The following ZNF761 variants were observed in gnomAD, a reference collection of about 807,000 sequenced individuals.
ZNF761 encodes zinc finger protein 761.
In ZNF761, 43 loss-of-function variants were observed where a neutral mutation model predicts 59.9. The observed-to-expected ratio is 0.72, with a 90% CI of 0.56 to 0.92. ZNF761 has a LOEUF of 0.92. Ranked by LOEUF, ZNF761 falls within the 40% of genes least tolerant of loss-of-function variation. The pLI is 0.00. For synonymous variants in ZNF761, 294 were observed against 304.8 expected, an observed-to-expected ratio of 0.96 and a Z score of 0.37; for missense variants, 850 against 906.1, an observed-to-expected ratio of 0.94 and a Z score of 0.79.
intron 1 of ZNF761, among the ~76,000 whole-genome samples, chr19:53,434,896 C>G (rs545657191): frequency 5.9e-4 from 90 of 152,282 alleles, no homozygotes; most frequent in African/African-American, 2.1e-3. Flanking sequence ...GGATGATGCT[C>G]TGGTAACTTC....
chr19:53,452,352 G>A (rs576901986), intron 4 of ZNF761, among the ~76,000 whole-genome samples: 8 of 152,216 alleles, frequency 5.3e-5, no homozygotes, highest in South Asian at 2.1e-4. Context: ...GCATGCTGGC[G>A]CATGGCTGTT....
intron 4 of ZNF761, among the ~76,000 whole-genome samples, chr19:53,452,177 C>T (rs1261478996): frequency 1.3e-5 from 2 of 151,944 alleles, no homozygotes; most frequent in African/African-American, 2.4e-5. Flanking sequence ...GGTGAAACCT[C>T]GAATCTACTA....
rs764589107 is a variant in ZNF761, at chr19:53,449,624, A to C, written c.128A>C (p.Asn43Thr). 1 of 1,608,994 alleles carries C rather than the reference A, an allele frequency of 6.2e-7. No individual in the cohort carries two copies. The highest frequency in any genetic ancestry group is 1.3e-5 in the African/African-American group (1 of 74,194). ...YRDVMLENYR[N>T]LVSLDISSKC... ...GACGTGATGCTGGAGAATTATAGGA[A>C]CCTGGTCTCCCTGGGTGAGGATAAC... The change falls in exon 4 of 5, where the codon AAC becomes ACC. Residue 43 changes from asparagine to threonine, a missense_variant. Asn to Thr is a moderately conservative substitution (Grantham distance 65). Coordinates refer to ENST00000684525, the MANE Select transcript of ZNF761 (RefSeq NM_001289951.2).
intron 1 of ZNF761, among the ~76,000 whole-genome samples, chr19:53,441,458 T>TGG (rs879554201): frequency 3.8e-4 from 57 of 151,160 alleles, no homozygotes; most frequent in African/African-American, 1.2e-3. Context: ...TTTTTGTTTT[T>TGG]TTTTTTTTGG....
At chr19:53,434,526 G>T (rs74440026) in intron 1 of ZNF761, among the ~76,000 whole-genome samples, 1 of 152,140 alleles carries the variant, frequency 6.6e-6, no homozygotes, top group Non-Finnish European at 1.5e-5. Context: ...AGGAGAATGG[G>T]TTTGGATGAG....
At chr19:53,451,593 T>C (rs1472083723) in intron 4 of ZNF761, among the ~76,000 whole-genome samples, 4 of 151,466 alleles carry the variant, frequency 2.6e-5, no homozygotes, top group African/African-American at 9.8e-5. Flanking sequence ...CATTTCTTTC[T>C]TTTTTTTAAG....
At chr19:53,432,569 C>G (rs1244830423) in intron 1 of ZNF761, among the ~76,000 whole-genome samples, 1 of 152,162 alleles carries the variant, frequency 6.6e-6, no homozygotes, top group East Asian at 1.9e-4. Context: ...TCCTGTGACG[C>G]GGGGTGTTAC....
At chr19:53,436,767 G>A (rs1331013828) in intron 1 of ZNF761, among the ~76,000 whole-genome samples, 1 of 152,164 alleles carries the variant, frequency 6.6e-6, no homozygotes, top group Admixed American at 6.5e-5. Flanking sequence ...CAGTACTTTA[G>A]TCACTTCTTG....
intron 1 of ZNF761, chr19:53,442,306 T>C: frequency 1.6e-6 from 2 of 1,272,526 alleles, no homozygotes; most frequent in Non-Finnish European, 2.3e-6. Flanking sequence ...CGAGCTGAGC[T>C]GGCAGAGTCC....
At position 53,457,516 on chromosome 19, in the gene ZNF761, A is replaced by G; in HGVS notation, c.*768A>G. 2.6e-6 allele frequency: 1 copy of G among 378,774 alleles called. No homozygotes were observed. Among genetic ancestry groups the G allele is most frequent in the Admixed American group, 3.6e-5 (1 of 27,928 alleles). The allele number at this position is 378,774 out of a possible 1,614,324, so 23.5% of individuals were successfully genotyped here. On this transcript the variant is annotated 3_prime_UTR_variant, in exon 5 of 5. Coordinates refer to ENST00000684525, the MANE Select transcript of ZNF761 (RefSeq NM_001289951.2). ...ATGTCATCAATGTGCCAAGGTCTTC[A>G]GTCTGAGTTCACTCCTTGCAGAATA...
rs2086197452 is a variant in ZNF761 at position 53,449,579 on chromosome 19, C to T, written c.83C>T (p.Ala28Val). ...SQEEWKCLDP[A>V]QRTLYRDVML... ...GAGGAGTGGAAATGCCTGGACCCTG[C>T]TCAGAGGACTCTATACAGGGACGTG... The change falls in exon 4 of 5, where the codon GCT (alanine) becomes GTT (valine). Residue 28 changes from alanine to valine, a missense_variant. Transcript: ENST00000684525. 1 of 1,613,438 alleles carries T rather than the reference C, an allele frequency of 6.2e-7. No homozygotes were observed.
At position 53,456,970 on chromosome 19, in the gene ZNF761, T is replaced by G; in HGVS notation, c.*222T>G. The G allele has an allele frequency of 1.4e-6, 1 of 716,244 alleles. No individual in the cohort carries two copies. The highest frequency in any genetic ancestry group is 2.7e-5 in the East Asian group (1 of 37,298). 44.4% of individuals were successfully genotyped at this position (716,244 alleles called of 1,614,324 possible). A position where few individuals can be genotyped will look rare whatever the true frequency, so the allele number is the denominator to read the frequency against. ...AAACCGTGAAAGACAGGAGAATTCATACTGGAGAGAAACCATAAAAATGTA... is the reference window on the plus strand; with the variant it reads ...AAACCGTGAAAGACAGGAGAATTCAGACTGGAGAGAAACCATAAAAATGTA... On this transcript the variant is annotated 3_prime_UTR_variant, in exon 5 of 5. Coordinates refer to ENST00000684525, the MANE Select transcript of ZNF761 (RefSeq NM_001289951.2).
In ZNF761 at chr19:53,455,304, G is replaced by T. The variant is rs751012682; in HGVS notation, c.797G>T (p.Gly266Val). Residue 266 changes from glycine to valine, a missense_variant, in exon 5 of 5, where the codon GGT (glycine) becomes GTT (valine). Transcript: ENST00000684525. The stretch of plus-strand genomic sequence containing the variant: ...GCATGCCATCGTAGATGTCACACTG[G>T]TGAGAATCCTTACAAGTGTAATGAG... Reference protein sequence around the residue: ...NLACHRRCHTGENPYKCNECG... With the variant: ...NLACHRRCHTVENPYKCNECG... 2 of 1,614,110 alleles carry T rather than the reference G, an allele frequency of 1.2e-6. No individual in the cohort carries two copies. Among genetic ancestry groups the T allele is most frequent in the African/African-American group, 1.3e-5 (1 of 74,944 alleles).
chr19:53,446,369 A>G (rs1380686523), intron 2 of ZNF761, 32 bp downstream of exon 2: 1 of 151,476 alleles, frequency 6.6e-6, no homozygotes, highest in East Asian at 1.9e-4. Context: ...TAATTATTGT[A>G]TTTTTATTTT....
chr19:53,434,680 G>A (rs1568798062), intron 1 of ZNF761, among the ~76,000 whole-genome samples: 1 of 152,222 alleles, frequency 6.6e-6, no homozygotes, highest in Non-Finnish European at 1.5e-5. Context: ...GATAATAGAA[G>A]TTTTTAAGAG....
In ZNF761 at chr19:53,457,528, C is replaced by T. The variant is rs746221956; in HGVS notation, c.*780C>T. On this transcript the variant is annotated 3_prime_UTR_variant, in exon 5 of 5. Coordinates refer to ENST00000684525, the MANE Select transcript of ZNF761 (RefSeq NM_001289951.2). ...TGCCAAGGTCTTCAGTCTGAGTTCA[C>T]TCCTTGCAGAATATGAGAAAATTCA... 3.6e-4 allele frequency: 129 copies of T among 355,232 alleles called. No homozygotes were observed. The highest frequency in any genetic ancestry group is 5.6e-4 in the Non-Finnish European group (102 of 180,610). The allele number at this position is 355,232 out of a possible 1,614,324, so 22.0% of individuals were successfully genotyped here. A position where few individuals can be genotyped will look rare whatever the true frequency, so the allele number is the denominator to read the frequency against.
Position 53,457,711 on chromosome 19 carries a change from G to T in ZNF761, c.*963G>T. 1 of 199,212 alleles carries T rather than the reference G, an allele frequency of 5.0e-6. No homozygotes were observed. The allele number at this position is 199,212 out of a possible 1,614,324, so 12.3% of individuals were successfully genotyped here. ...GTTTATGTTAAGAGGATTGGGCCAGGCACATCAGCTTACACCTGTAATCTG... is the reference window on the plus strand; with the variant it reads ...GTTTATGTTAAGAGGATTGGGCCAGTCACATCAGCTTACACCTGTAATCTG... On this transcript the variant is annotated 3_prime_UTR_variant, in exon 5 of 5. Coordinates refer to ENST00000684525, the MANE Select transcript of ZNF761 (RefSeq NM_001289951.2).
intron 3 of ZNF761, among the ~76,000 whole-genome samples, chr19:53,447,517 G>A (rs2086173446): frequency 6.6e-6 from 1 of 152,300 alleles, no homozygotes; most frequent in African/African-American, 2.4e-5. Flanking sequence ...CTCACACCCA[G>A]ACATGGATGG....
chr19:53,438,704 G>A (rs954348512), intron 1 of ZNF761, among the ~76,000 whole-genome samples: 3 of 152,176 alleles, frequency 2.0e-5, no homozygotes, highest in Non-Finnish European at 4.4e-5. Flanking sequence ...AGTTAGAAGT[G>A]CACAAATGGC....
Sources: gnomAD v4.1 joint callset for allele counts (sites outside exome capture counted in the v4.1 genomes callset) on GRCh38, gnomAD v4.1.1 for gene constraint, MANE v1.5 for transcripts, NCBI Gene and HGNC (gene_info 2026-07-23, HGNC 2026-07-21) for gene names.